TAFA2: variants seen among roughly 807,000 people sequenced by gnomAD.
The protein encoded by TAFA2 is chemokine-like protein TAFA-2.
TAFA2 carries 7 observed loss-of-function variants against 18.8 expected under a neutral mutation model. The observed-to-expected ratio is 0.37, with a 90% confidence interval of 0.21 to 0.70. TAFA2 has a LOEUF of 0.70. TAFA2 is among the 30% of genes least tolerant of loss of function. The probability of loss-of-function intolerance (pLI) is 0.53; values close to 1 mark genes in which losing one functional copy is unlikely to be tolerated. For synonymous variants in TAFA2, 60 were observed against 54.2 expected, an observed-to-expected ratio of 1.11 and a Z score of -0.47; for missense variants, 122 against 158.1, an observed-to-expected ratio of 0.77 and a Z score of 1.23.
At chr12:61,751,983 T>C (rs11174156) in intron 4 of TAFA2, among the ~76,000 whole-genome samples, 4,797 of 152,126 alleles carry the variant, frequency 0.032, 241 homozygotes, top group African/African-American at 0.11. Flanking sequence ...ACGATATTTT[T>C]ACCATTATTG....
intron 1 of TAFA2, among the ~76,000 whole-genome samples, chr12:62,153,523 A>C (rs1162035363): frequency 6.6e-6 from 1 of 152,098 alleles, no homozygotes; most frequent in Non-Finnish European, 1.5e-5. Flanking sequence ...ATTAAAAATT[A>C]GCCAGGTGTG....
intron 2 of TAFA2, among the ~76,000 whole-genome samples, chr12:61,759,024 G>A (rs1869411144): frequency 6.6e-6 from 1 of 151,956 alleles, no homozygotes; most frequent in African/African-American, 2.4e-5. Context: ...CACATGGTGA[G>A]TTTCCCCTGA....
Position 61,986,144 on chromosome 12 carries a change from C to T in TAFA2, c.-1-118718G>A, listed in dbSNP as rs1341471500. On this transcript the variant is annotated intron_variant, in intron 1 of 4. Transcript: ENST00000416284. ...AAGAGTGACAGAATCTAGACATAGA[C>T]AATCTAAGCTCTTCTTTTTTTTTTT... 3.0e-5 allele frequency among the ~76,000 whole-genome samples: 4 copies of T among 135,046 alleles called. No homozygotes were observed. In the Admixed American group the frequency reaches 3.1e-4, roughly 10 times the overall value. The allele number at this position is 135,046 out of a possible 152,430, so 88.6% of individuals were successfully genotyped here.
intron 1 of TAFA2, among the ~76,000 whole-genome samples, chr12:62,055,384 G>A (rs536272192): frequency 6.6e-6 from 1 of 152,234 alleles, no homozygotes; most frequent in South Asian, 2.1e-4. Context: ...GTCTCTCCAT[G>A]TGATATTTTC....
chr12:62,227,639 T>G (rs2062792989), intron 1 of TAFA2, among the ~76,000 whole-genome samples: 1 of 152,204 alleles, frequency 6.6e-6, no homozygotes, highest in African/African-American at 2.4e-5. Context: ...TAATAACATT[T>G]GTCTATTTGT....
chr12:62,057,348 CTCT>C (rs756307804), intron 1 of TAFA2, among the ~76,000 whole-genome samples: 12 of 151,630 alleles, frequency 7.9e-5, no homozygotes, highest in African/African-American at 2.7e-4. Context: ...TTGCTTTTTT[CTCT>C]TCTTCTTCTG....
chr12:61,872,178 G>T (rs990283819), intron 1 of TAFA2, among the ~76,000 whole-genome samples: 1 of 152,110 alleles, frequency 6.6e-6, no homozygotes, highest in Non-Finnish European at 1.5e-5. Context: ...AAGGAAAAAG[G>T]GGGGGAATAA....
chr12:62,173,791 T>C lies in TAFA2; in HGVS notation c.-2+17468A>G, dbSNP rs191566733. Among the ~76,000 whole-genome samples, 58 of 152,330 alleles carry C rather than the reference T, an allele frequency of 3.8e-4. 1 individual carries two copies. The East Asian group carries it at 0.01, about 27-fold the overall frequency. ...TTGGACAGATTTCAGTATTATTTACTGATGCAGGAAAACGGAGAAGAGTTC... is the reference window on the plus strand; with the variant it reads ...TTGGACAGATTTCAGTATTATTTACCGATGCAGGAAAACGGAGAAGAGTTC... On this transcript the variant is annotated intron_variant, in intron 1 of 4. Coordinates refer to ENST00000416284, the MANE Select transcript of TAFA2 (RefSeq NM_178539.5).
At chr12:62,234,860 A>G in intron 1 of TAFA2, 1 of 1,048,444 alleles carries the variant, frequency 9.5e-7, no homozygotes, top group Non-Finnish European at 1.5e-6. Context: ...ACCAGCAATG[A>G]CTGGGACTCA....
upstream of TAFA2, among the ~76,000 whole-genome samples, chr12:62,196,214 C>A (rs562030477): frequency 7.8e-4 from 119 of 152,302 alleles, no homozygotes; most frequent in Middle Eastern, 0.01. Context: ...CTGGATTAGA[C>A]CCTGGCTAAA....
chr12:62,252,895 A>G (rs2062921437), intron 1 of TAFA2: 1 of 152,218 alleles, frequency 6.6e-6, no homozygotes, highest in Non-Finnish European at 1.5e-5. Context: ...CTGAAGCACT[A>G]TTGGCAGGAA....
chr12:61,768,347 C>T (rs1351817973), intron 2 of TAFA2, among the ~76,000 whole-genome samples: 1 of 152,096 alleles, frequency 6.6e-6, no homozygotes, highest in Admixed American at 6.6e-5. Flanking sequence ...TAGGCAGCTC[C>T]CACTCGGATG....
intron 1 of TAFA2, among the ~76,000 whole-genome samples, chr12:62,019,648 C>T (rs1044970892): frequency 4.4e-5 from 6 of 137,724 alleles, no homozygotes; most frequent in African/African-American, 1.1e-4. Flanking sequence ...GGAAGGGGAA[C>T]ATCACACACC....
At chr12:61,912,758 G>T (rs1876662946) in intron 1 of TAFA2, among the ~76,000 whole-genome samples, 1 of 152,114 alleles carries the variant, frequency 6.6e-6, no homozygotes, top group African/African-American at 2.4e-5. Context: ...TCTTCAAAAA[G>T]ATTTTGTGAA....
intron 1 of TAFA2, among the ~76,000 whole-genome samples, chr12:61,991,699 T>C (rs1447135769): frequency 6.6e-6 from 1 of 152,204 alleles, no homozygotes; most frequent in Non-Finnish European, 1.5e-5. Flanking sequence ...CAAAACTCCT[T>C]AAAAGATTTT....
Position 61,828,549 on chromosome 12 carries a change from A to T in TAFA2, c.106+38771T>A, listed in dbSNP as rs1434977247. Among the ~76,000 whole-genome samples, 10 of 151,846 alleles carry T rather than the reference A, an allele frequency of 6.6e-5. 1 individual carries two copies. Among genetic ancestry groups the T allele is most frequent in the Admixed American group, 6.6e-4 (10 of 15,210 alleles). On this transcript the variant is annotated intron_variant, in intron 2 of 4. Transcript: ENST00000416284. ...TGAACCTATGAAAATGGGAGAATGT[A>T]TAGTAGGGCCAACTTTCTAAGTGTA...
chr12:62,065,017 T>A (rs1882449351), intron 1 of TAFA2, among the ~76,000 whole-genome samples: 1 of 152,048 alleles, frequency 6.6e-6, no homozygotes. Flanking sequence ...GCATATACTA[T>A]TGAATGCTAC....
intron 1 of TAFA2, among the ~76,000 whole-genome samples, chr12:61,904,885 C>T (rs905190216): frequency 2.6e-5 from 4 of 152,028 alleles, no homozygotes; most frequent in African/African-American, 9.7e-5. Flanking sequence ...TTTCATTGTC[C>T]TCAAGTCTTT....
At chr12:62,042,738 T>C (rs1881798029) in intron 1 of TAFA2, among the ~76,000 whole-genome samples, 1 of 152,136 alleles carries the variant, frequency 6.6e-6, no homozygotes, top group Non-Finnish European at 1.5e-5. Flanking sequence ...ATCAACTGTA[T>C]TGAACCACAC....
Sources: gnomAD v4.1 joint callset for allele counts (sites outside exome capture counted in the v4.1 genomes callset) on GRCh38, gnomAD v4.1.1 for gene constraint, MANE v1.5 for transcripts, NCBI Gene and HGNC (gene_info 2026-07-23, HGNC 2026-07-21) for gene names.